NCOA3: variants seen among roughly 807,000 people sequenced by gnomAD.
NCOA3 encodes the protein CBP-interacting protein.
Under a neutral mutation model 158.8 loss-of-function variants are expected in NCOA3, and 51 were observed. The ratio of observed to expected loss-of-function variants is 0.32; its 90% CI spans 0.26 to 0.41. The LOEUF (loss-of-function observed/expected upper bound fraction) is 0.41. Among genes scored for constraint, NCOA3 ranks in the 10% least tolerant of loss-of-function variants. NCOA3 has a pLI of 1.00. For missense variants in NCOA3, 1,510 were observed against 1,746.6 expected, an observed-to-expected ratio of 0.86 and a Z score of 2.41; for synonymous variants, 537 against 592.4, an observed-to-expected ratio of 0.91 and a Z score of 1.36.
At chr20:47,607,867 C>T (rs1255253462) in intron 2 of NCOA3, among the ~76,000 whole-genome samples, 3 of 151,946 alleles carry the variant, frequency 2.0e-5, no homozygotes, top group South Asian at 2.1e-4. Flanking sequence ...AACATTGCAC[C>T]GGATTGAATG....
intron 4 of NCOA3, among the ~76,000 whole-genome samples, chr20:47,625,070 G>A (rs1202950226): frequency 6.6e-6 from 1 of 152,172 alleles, no homozygotes; most frequent in African/African-American, 2.4e-5. Context: ...ACCGCGCTGG[G>A]CCTCCAGCTT....
intron 1 of NCOA3, among the ~76,000 whole-genome samples, chr20:47,580,653 T>C (rs1229429455): frequency 6.6e-6 from 1 of 151,530 alleles, no homozygotes; most frequent in East Asian, 1.9e-4. Flanking sequence ...TCTTTCCTAA[T>C]AAAGGAAAAA....
chr20:47,616,077 G>C (rs951818014), intron 2 of NCOA3, among the ~76,000 whole-genome samples: 1 of 151,670 alleles, frequency 6.6e-6, no homozygotes, highest in African/African-American at 2.4e-5. Context: ...AGAATTGCTT[G>C]AATCTGGGAG....
chr20:47,558,032 C>G (rs1253773042), intron 1 of NCOA3, among the ~76,000 whole-genome samples: 2 of 151,024 alleles, frequency 1.3e-5, no homozygotes, highest in Admixed American at 1.3e-4. Flanking sequence ...ATGGTTTTCT[C>G]TCTGTTCTCT....
chr20:47,549,103 C>T (rs980733055), intron 1 of NCOA3, among the ~76,000 whole-genome samples: 1 of 151,994 alleles, frequency 6.6e-6, no homozygotes. Flanking sequence ...GTCTCGAGCT[C>T]TTGGGCTCAA....
intron 2 of NCOA3, among the ~76,000 whole-genome samples, chr20:47,597,058 A>C (rs1055181180): frequency 6.6e-6 from 1 of 152,222 alleles, no homozygotes; most frequent in Non-Finnish European, 1.5e-5. Flanking sequence ...ATACATACAA[A>C]ATATTTACCA....
intron 1 of NCOA3, among the ~76,000 whole-genome samples, chr20:47,565,684 C>T (rs1441605825): frequency 6.6e-6 from 1 of 152,064 alleles, no homozygotes; most frequent in East Asian, 1.9e-4. Flanking sequence ...CCACTGCACT[C>T]CAGCCTCAGC....
At chr20:47,562,753 G>GTAC (rs942485194) in intron 1 of NCOA3, among the ~76,000 whole-genome samples, 12 of 152,098 alleles carry the variant, frequency 7.9e-5, no homozygotes, top group Non-Finnish European at 1.5e-4. Context: ...GCAGGAAAAA[G>GTAC]TACTACTAGT....
Position 47,639,082 on chromosome 20 carries a change from T to G in NCOA3, c.2587T>G (p.Ser863Ala). The G allele has an allele frequency of 1.9e-6, 3 of 1,614,240 alleles. No individual in the cohort carries two copies. The highest frequency in any genetic ancestry group is 2.5e-6 in the Non-Finnish European group (3 of 1,180,034). ...AGCAGTGTCTCTGGATAGCCCTGTTTCTGTTGGCTCAAGTCCTCCAGTAAA... is the reference window on the plus strand; with the variant it reads ...AGCAGTGTCTCTGGATAGCCCTGTTGCTGTTGGCTCAAGTCCTCCAGTAAA... ...NRAVSLDSPVSVGSSPPVKNI... is the reference protein window; with the variant it reads ...NRAVSLDSPVAVGSSPPVKNI... Residue 863 changes from serine to alanine, a missense_variant, in exon 14 of 23, where the codon TCT becomes GCT. By Grantham distance (99) the Ser-to-Ala change is moderately conservative. Transcript: ENST00000371998.
intron 1 of NCOA3, among the ~76,000 whole-genome samples, chr20:47,566,382 G>A (rs952983623): frequency 3.0e-5 from 3 of 100,490 alleles, no homozygotes. Context: ...CCATTATATA[G>A]CGCTATCTGT....
At chr20:47,570,513 A>G (rs1288297264) in intron 1 of NCOA3, among the ~76,000 whole-genome samples, 2 of 152,174 alleles carry the variant, frequency 1.3e-5, no homozygotes, top group Non-Finnish European at 2.9e-5. Flanking sequence ...TAATTCAGTC[A>G]CATCTTCAGA....
intron 1 of NCOA3, among the ~76,000 whole-genome samples, chr20:47,508,143 A>C (rs1301369395): frequency 6.6e-6 from 1 of 152,220 alleles, no homozygotes; most frequent in East Asian, 1.9e-4. Flanking sequence ...ATTTATATAC[A>C]TATAAGAAAA....
At chr20:47,572,333 G>C (rs772154384) in intron 1 of NCOA3, among the ~76,000 whole-genome samples, 3 of 151,976 alleles carry the variant, frequency 2.0e-5, no homozygotes, top group African/African-American at 4.8e-5. Context: ...ACAGCCAGCA[G>C]TTCAAGGCTG....
Position 47,636,325 on chromosome 20 carries a change from A to G in NCOA3, c.1939A>G (p.Lys647Glu). ...LTNSPLDSSCKESSVSVTSPS... is the reference protein window; with the variant it reads ...LTNSPLDSSCEESSVSVTSPS... ...CAACTCCCCCCTAGATTCAAGTTGT[A>G]AAGAATCTTCTGTTAGTGTCACCAG... is the stretch of plus-strand genomic sequence containing the variant. Residue 647 changes from lysine (K) to glutamate (E), a missense_variant, in exon 12 of 23, where the codon AAA becomes GAA. Physicochemically the swap from Lys to Glu is moderately conservative, Grantham distance 56. Transcript: ENST00000371998. 6.2e-7 allele frequency: 1 copy of G among 1,614,166 alleles called. No homozygotes were observed. Among genetic ancestry groups the G allele is most frequent in the Non-Finnish European group, 8.5e-7 (1 of 1,180,002 alleles).
intron 1 of NCOA3, among the ~76,000 whole-genome samples, chr20:47,567,520 A>G (rs1044088448): frequency 1.3e-5 from 2 of 151,234 alleles, no homozygotes; most frequent in African/African-American, 2.4e-5. Flanking sequence ...TCTCACCTCA[A>G]CCTCCCAAGT....
chr20:47,596,554 G>A (rs545699106), intron 2 of NCOA3, among the ~76,000 whole-genome samples: 1 of 152,200 alleles, frequency 6.6e-6, no homozygotes, highest in African/African-American at 2.4e-5. Flanking sequence ...TGCTTTCAAT[G>A]TGGTGGTACT....
intron 1 of NCOA3, among the ~76,000 whole-genome samples, chr20:47,533,279 C>T (rs1310250068): frequency 9.3e-6 from 1 of 107,052 alleles, no homozygotes; most frequent in Non-Finnish European, 1.8e-5. Context: ...AGCCAGGTTC[C>T]GTCTCAAAAA....
chr20:47,655,736 CTCTTA>C lies in NCOA3; in HGVS notation c.*2324_*2328del, dbSNP rs963456262. On this transcript the variant is annotated 3_prime_UTR_variant, in exon 23 of 23. Transcript: ENST00000371998. ...GTGTGTGGGGAGAAATAGAATGGTG[CTCTTA>C]TCTTTCTTGACTTTAAAAAAATTAT... is the stretch of plus-strand genomic sequence containing the variant. The C allele has an allele frequency of 6.6e-5, 10 of 152,340 alleles. No homozygotes were observed. The highest frequency in any genetic ancestry group is 1.3e-4 in the Non-Finnish European group (9 of 67,968). The allele number at this position is 152,340 out of a possible 1,614,324, so 9.4% of individuals were successfully genotyped here. A position where few individuals can be genotyped will look rare whatever the true frequency, so the allele number is the denominator to read the frequency against.
At chr20:47,644,227 C>T (rs578210128) in intron 17 of NCOA3, among the ~76,000 whole-genome samples, 2 of 152,080 alleles carry the variant, frequency 1.3e-5, no homozygotes, top group Admixed American at 6.6e-5. Flanking sequence ...GCAAGCTCCA[C>T]CTCCTGGGTT....
Sources: gnomAD v4.1 joint callset for allele counts (sites outside exome capture counted in the v4.1 genomes callset) on GRCh38, gnomAD v4.1.1 for gene constraint, MANE v1.5 for transcripts, NCBI Gene and HGNC (gene_info 2026-07-23, HGNC 2026-07-21) for gene names.